Variants in PDE10A observed in about 807,000 individuals in gnomAD.
PDE10A encodes phosphodiesterase 10A.
Under a neutral mutation model 97.7 loss-of-function variants are expected in PDE10A, and 39 were observed. That is an observed-to-expected ratio of 0.40 (90% CI 0.31 to 0.52). PDE10A has a LOEUF of 0.52. Ranked by LOEUF, PDE10A falls within the 20% of genes least tolerant of loss-of-function variation. The pLI, the probability that PDE10A is intolerant of heterozygous loss-of-function variation, is 0.56. For synonymous variants in PDE10A, 371 were observed against 376.8 expected (o/e 0.98, Z 0.18); for missense variants, 731 against 1,047.8 (o/e 0.70, Z 4.17).
chr6:165,537,337 T>C (rs1783150970), intron 2 of PDE10A, among the ~76,000 whole-genome samples: 1 of 151,898 alleles, frequency 6.6e-6, no homozygotes, highest in Admixed American at 6.6e-5. Context: ...AAAATTACAG[T>C]TATATAGAAG....
At chr6:165,445,982 G>A (rs1010656793) in intron 5 of PDE10A, among the ~76,000 whole-genome samples, 2 of 151,748 alleles carry the variant, frequency 1.3e-5, no homozygotes, top group African/African-American at 2.4e-5. Flanking sequence ...TGTCAGAGTT[G>A]GACGAAACAA....
At chr6:165,432,220 A>C (rs1789626616) in intron 7 of PDE10A, among the ~76,000 whole-genome samples, 1 of 152,234 alleles carries the variant, frequency 6.6e-6, no homozygotes, top group African/African-American at 2.4e-5. Context: ...GCTATAGAGA[A>C]AAAGCAGAAG....
chr6:165,630,119 G>A (rs1183708510), intron 1 of PDE10A, among the ~76,000 whole-genome samples: 7 of 152,174 alleles, frequency 4.6e-5, no homozygotes, highest in East Asian at 1.9e-4. Flanking sequence ...AGGCTGAGAC[G>A]GGTGAACTGC....
intron 1 of PDE10A, among the ~76,000 whole-genome samples, chr6:165,621,416 AAAATAGG>A (rs1788128007): frequency 1.3e-5 from 2 of 152,290 alleles, no homozygotes; most frequent in Middle Eastern, 3.4e-3. Context: ...TTTCCCCTTC[AAAATAGG>A]ATCTCCGGCA....
chr6:165,503,889 A>G (rs536164016), intron 2 of PDE10A, among the ~76,000 whole-genome samples: 1 of 152,324 alleles, frequency 6.6e-6, no homozygotes, highest in South Asian at 2.1e-4. Flanking sequence ...TATAACCCAA[A>G]AGCAGAATAA....
intron 1 of PDE10A, among the ~76,000 whole-genome samples, chr6:165,761,220 A>C (rs11967964): frequency 0.14 from 21,440 of 152,248 alleles, 2,336 homozygotes; most frequent in African/African-American, 0.3. Flanking sequence ...CTGTGAGCCT[A>C]ATCTTTCCTG....
intron 1 of PDE10A, among the ~76,000 whole-genome samples, chr6:165,787,338 G>T (rs993062577): frequency 6.6e-6 from 1 of 152,134 alleles, no homozygotes; most frequent in Admixed American, 6.6e-5. Flanking sequence ...GAAGAACTAG[G>T]GATTGGACAC....
chr6:165,852,460 C>T (rs1454236948), intron 1 of PDE10A, among the ~76,000 whole-genome samples: 2 of 152,170 alleles, frequency 1.3e-5, no homozygotes, highest in Admixed American at 1.3e-4. Context: ...TTTGTTGTTT[C>T]ATCCTTAGTA....
chr6:165,435,238 C>G lies in PDE10A; in HGVS notation c.1334G>C (p.Gly445Ala). ...RKTLLVEDILGDERFPRGTGL... is the reference protein window; with the variant it reads ...RKTLLVEDILADERFPRGTGL... ...ACAAAGAATCAAAAAGCCACTTACT[C>G]CAAGGATGTCTTCTACTAGCAGTGT... The change falls in exon 6 of 22, where the codon GGA becomes GCA. Residue 445 changes from glycine (G) to alanine (A), a missense_variant and splice_region_variant. By Grantham distance (60) the Gly-to-Ala change is moderately conservative. Around this residue, in one of 8 missense-constraint regions of PDE10A, gnomAD observed 152 missense variants for 199.3 expected, o/e 0.76. Transcript: ENST00000539869. 6.2e-7 allele frequency: 1 copy of G among 1,612,702 alleles called. No individual in the cohort carries two copies. The highest frequency in any genetic ancestry group is 8.5e-7 in the Non-Finnish European group (1 of 1,179,392).
chr6:165,768,517 T>A (rs1225237804), intron 1 of PDE10A, among the ~76,000 whole-genome samples: 1 of 152,214 alleles, frequency 6.6e-6, no homozygotes, highest in Non-Finnish European at 1.5e-5. Context: ...TTAGAATTTT[T>A]CGCATTTATA....
In PDE10A at chr6:165,416,212, G is replaced by A; in HGVS notation, c.1866C>T (p.Ala622=). ...ACCTGTTAAAGCGTGGGTCTGCATA[G>A]GCATCTGGAATGTTCAGGACTTCCC... ...RTGEVLNIPD[A]YADPRFNREV... The change falls in exon 12 of 22, where the codon GCC becomes GCT. Residue 622 remains alanine, a synonymous_variant. Coordinates refer to ENST00000539869, the MANE Select transcript of PDE10A (RefSeq NM_001385079.1). The A allele has an allele frequency of 3.1e-6, 5 of 1,611,810 alleles. No homozygotes were observed. Among genetic ancestry groups the A allele is most frequent in the Non-Finnish European group, 3.4e-6 (4 of 1,177,896 alleles).
At chr6:165,384,672 G>GTGTAT (rs1322300077) in intron 17 of PDE10A, among the ~76,000 whole-genome samples, 17 of 53,796 alleles carry the variant, frequency 3.2e-4, no homozygotes, top group Admixed American at 2.1e-4. Flanking sequence ...GTGTGTGTAT[G>GTGTAT]GGGGGGGGCG....
chr6:165,551,845 C>T (rs1328075663), intron 1 of PDE10A, among the ~76,000 whole-genome samples: 3 of 152,066 alleles, frequency 2.0e-5, no homozygotes, highest in African/African-American at 4.8e-5. Context: ...TAGCAGAAGC[C>T]CCCTGGAGAC....
intron 3 of PDE10A, among the ~76,000 whole-genome samples, chr6:165,459,351 C>T (rs1328947404): frequency 6.6e-6 from 1 of 152,152 alleles, no homozygotes; most frequent in Non-Finnish European, 1.5e-5. Flanking sequence ...CACTTCCTTA[C>T]CTTTTTGTCA....
chr6:165,907,763 G>A (rs535099398), intron 1 of PDE10A, among the ~76,000 whole-genome samples: 253 of 151,582 alleles, frequency 1.7e-3, no homozygotes, highest in Non-Finnish European at 2.9e-3. Flanking sequence ...ACAGCCCAGA[G>A]CAGCATGGAT....
At chr6:165,750,214 G>T (rs1792965979) in intron 1 of PDE10A, among the ~76,000 whole-genome samples, 1 of 152,212 alleles carries the variant, frequency 6.6e-6, no homozygotes, top group African/African-American at 2.4e-5. Flanking sequence ...GGGAGTCCTA[G>T]TTCACCCAGA....
intron 7 of PDE10A, among the ~76,000 whole-genome samples, chr6:165,432,018 T>C (rs912550712): frequency 2.0e-5 from 3 of 152,194 alleles, no homozygotes; most frequent in African/African-American, 7.2e-5. Context: ...TCAAAATTAC[T>C]AGCTTTTCTA....
chr6:165,508,222 G>T (rs923092110), intron 2 of PDE10A, among the ~76,000 whole-genome samples: 1 of 151,936 alleles, frequency 6.6e-6, no homozygotes, highest in African/African-American at 2.4e-5. Context: ...TATAATCCCT[G>T]CCAACTGCCA....
At chr6:165,550,131 C>T (rs1783940663) in intron 1 of PDE10A, among the ~76,000 whole-genome samples, 1 of 152,100 alleles carries the variant, frequency 6.6e-6, no homozygotes, top group Non-Finnish European at 1.5e-5. Context: ...CCCTAAAACA[C>T]GTCTTCCTGA....
Sources: allele counts gnomAD v4.1 joint callset (sites outside exome capture counted in the v4.1 genomes callset), GRCh38; gene constraint gnomAD v4.1.1; regional missense constraint gnomAD v4.1.1; transcripts MANE v1.5; gene names NCBI Gene and HGNC (gene_info 2026-07-23, HGNC 2026-07-21).